Variants in EHMT1 observed in about 807,000 individuals in gnomAD.
EHMT1 encodes histone-lysine N-methyltransferase EHMT1.
A neutral mutation model predicts 147.2 loss-of-function variants in EHMT1; 15 were observed. The observed-to-expected ratio is 0.10, with a 90% CI of 0.07 to 0.16. The LOEUF is 0.16. Ranked by LOEUF, EHMT1 falls within the 10% of genes least tolerant of loss-of-function variation. EHMT1 has a pLI of 1.00. For missense variants in EHMT1, 1,587 were observed against 1,772.4 expected (o/e 0.90, Z 1.88); for synonymous variants, 795 against 709.6 (o/e 1.12, Z -1.91).
chr9:137,795,472 T>C (rs1181779537), intron 16 of EHMT1, among the ~76,000 whole-genome samples: 1 of 125,024 alleles, frequency 8.0e-6, no homozygotes, highest in African/African-American at 2.7e-5. Flanking sequence ...CATAAACACA[T>C]TCACTCAGAC....
At chr9:137,669,932 C>T (rs1056184050) in intron 1 of EHMT1, among the ~76,000 whole-genome samples, 3 of 152,210 alleles carry the variant, frequency 2.0e-5, no homozygotes, top group African/African-American at 4.8e-5. Flanking sequence ...CTCTCTGCAA[C>T]CTCTGCCGCC....
rs758085623 is a variant in EHMT1 at position 137,775,473 on chromosome 9, C to T, written c.1791+221C>T. The stretch of plus-strand genomic sequence containing the variant: ...CCCCCAACCCCCATTTCCCTCCTAC[C>T]GCCTGGAAACCGCTTTTGGAGATGA... On this transcript the variant is annotated intron_variant, in intron 11 of 26. Coordinates refer to ENST00000460843, the MANE Select transcript of EHMT1 (RefSeq NM_024757.5). This position sits in a 1 kb window ranked among gnomAD's most constrained non-coding sequence, Gnocchi z 6.1. 4.6e-5 allele frequency among the ~76,000 whole-genome samples: 7 copies of T among 151,768 alleles called. No homozygotes were observed. Among genetic ancestry groups the T allele is most frequent in the East Asian group, 2.0e-4 (1 of 5,052 alleles).
At chr9:137,718,092 G>A (rs889187322) in intron 3 of EHMT1, among the ~76,000 whole-genome samples, 13 of 138,114 alleles carry the variant, frequency 9.4e-5, no homozygotes, top group East Asian at 1.9e-4. Context: ...CACACAGGGC[G>A]CGCCCGCCCC....
chr9:137,831,633 C>G (rs1956194584), intron 25 of EHMT1, among the ~76,000 whole-genome samples: 1 of 152,220 alleles, frequency 6.6e-6, no homozygotes, highest in Non-Finnish European at 1.5e-5. Context: ...TTTCTTTGTT[C>G]TTCATTGAGG....
At chr9:137,800,760 A>G in intron 17 of EHMT1, 120 bp from the exon 18 acceptor site, 1 of 802,536 alleles carries the variant, frequency 1.2e-6, no homozygotes, top group Non-Finnish European at 2.1e-6. Context: ...GTCCTGAGTG[A>G]GACGCCTGCA....
At chr9:137,643,409 C>T (rs543851744) in intron 1 of EHMT1, among the ~76,000 whole-genome samples, 4 of 145,282 alleles carry the variant, frequency 2.8e-5, no homozygotes, top group South Asian at 4.4e-4. Flanking sequence ...GGTGCCATCT[C>T]GGCTCACTGC....
At chr9:137,739,879 G>A (rs1343161940) in intron 4 of EHMT1, among the ~76,000 whole-genome samples, 2 of 152,200 alleles carry the variant, frequency 1.3e-5, no homozygotes, top group African/African-American at 4.8e-5. Context: ...AGGGAGGAAG[G>A]AGGACGGTGT....
intron 18 of EHMT1, chr9:137,803,050 C>T (rs886074326): frequency 1.7e-5 from 21 of 1,230,410 alleles, no homozygotes; most frequent in Admixed American, 8.5e-5. Flanking sequence ...GACTGCGTGG[C>T]GGGGAAGGCG....
intron 18 of EHMT1, chr9:137,803,073 C>T: frequency 8.1e-7 from 1 of 1,230,254 alleles, no homozygotes; most frequent in Non-Finnish European, 1.0e-6. Context: ...CCTAGTGTGG[C>T]TGGTCGGCCT....
At chr9:137,686,161 CT>C (rs1332057541) in intron 1 of EHMT1, among the ~76,000 whole-genome samples, 1 of 152,110 alleles carries the variant, frequency 6.6e-6, no homozygotes, top group African/African-American at 2.4e-5. Context: ...CTTAAGTTGT[CT>C]TTTTATTTCT....
chr9:137,814,638 G>C (rs1160472617), intron 22 of EHMT1, 130 bp downstream of exon 22: 1 of 1,074,334 alleles, frequency 9.3e-7, no homozygotes, highest in Admixed American at 1.9e-5. Flanking sequence ...GGTGAGCTGG[G>C]TGTGACAGGC....
intron 1 of EHMT1, among the ~76,000 whole-genome samples, chr9:137,628,276 C>T (rs1843396747): frequency 6.6e-6 from 1 of 152,194 alleles, no homozygotes; most frequent in Non-Finnish European, 1.5e-5. Context: ...TCCTCTACCT[C>T]TCTGTCTTCC....
rs113233878 is a variant in EHMT1 at position 137,796,234 on chromosome 9, C to A, written c.2506-2579C>A. Among the ~76,000 whole-genome samples the A allele has an allele frequency of 9.8e-3, 1,485 of 152,176 alleles. 16 individuals are homozygous for A. The highest frequency in any genetic ancestry group is 0.034 in the African/African-American group (1,414 of 41,492). On this transcript the variant is annotated intron_variant, in intron 16 of 26. Transcript: ENST00000460843. Reference sequence around the variant, plus strand: ...AGAGGCCGCCTTTGTGATTCCAGCACGGGGAAGCGTCTTTTAAGACACAAA... The same window carrying A: ...AGAGGCCGCCTTTGTGATTCCAGCAAGGGGAAGCGTCTTTTAAGACACAAA...
chr9:137,727,660 A>C (rs776480535), intron 3 of EHMT1, among the ~76,000 whole-genome samples: 1 of 152,354 alleles, frequency 6.6e-6, no homozygotes, highest in African/African-American at 2.4e-5. Flanking sequence ...AAGTTAAACT[A>C]TCACAGGTCT....
At chr9:137,665,064 A>C (rs1207922637) in intron 1 of EHMT1, 6 of 152,330 alleles carry the variant, frequency 3.9e-5, no homozygotes, top group Non-Finnish European at 7.4e-5. Flanking sequence ...GGGGAGTTAT[A>C]GAATAGCATT....
intron 1 of EHMT1, among the ~76,000 whole-genome samples, chr9:137,658,881 T>C (rs1008088305): frequency 1.3e-5 from 2 of 152,104 alleles, no homozygotes; most frequent in African/African-American, 4.8e-5. Flanking sequence ...CACCTCAGCC[T>C]CCCAAAGTGC....
At chr9:137,812,595 A>G (rs1414981633) in intron 19 of EHMT1, among the ~76,000 whole-genome samples, 2 of 152,256 alleles carry the variant, frequency 1.3e-5, no homozygotes, top group African/African-American at 2.4e-5. Flanking sequence ...TCCACGTACG[A>G]TGACTGCAGT....
intron 3 of EHMT1, among the ~76,000 whole-genome samples, chr9:137,717,612 A>AG (rs1945468170): frequency 2.1e-5 from 3 of 142,074 alleles, no homozygotes; most frequent in African/African-American, 8.9e-5. Flanking sequence ...TCTCAAAAAA[A>AG]AAAAAAAAAA....
chr9:137,834,642 C>G, intron 26 of EHMT1, 118 bp downstream of exon 26: 2 of 1,592,992 alleles, frequency 1.3e-6, no homozygotes, highest in South Asian at 1.1e-5. Context: ...TCCTGTAGTT[C>G]TAAAAACTGC....
Sources: allele counts gnomAD v4.1 joint callset (sites outside exome capture counted in the v4.1 genomes callset), GRCh38; gene constraint gnomAD v4.1.1; non-coding constraint Gnocchi (gnomAD v3.1); transcripts MANE v1.5; gene names NCBI Gene and HGNC (gene_info 2026-07-23, HGNC 2026-07-21).